The following SOX5 variants were observed in gnomAD, a reference collection of about 807,000 sequenced individuals.
SOX5 encodes the protein SRY-box transcription factor 5, also known as transcription factor SOX-5.
A neutral mutation model predicts 92.0 loss-of-function variants in SOX5; 9 were observed. The ratio of observed to expected loss-of-function variants is 0.10; its 90% CI spans 0.06 to 0.17. The LOEUF is 0.17. Ranked by LOEUF, SOX5 falls within the 10% of genes least tolerant of loss-of-function variation. The probability of loss-of-function intolerance (pLI) is 1.00; values close to 1 mark genes in which losing one functional copy is unlikely to be tolerated. For synonymous variants in SOX5, 344 were observed against 336.3 expected (o/e 1.02, Z -0.25); for missense variants, 642 against 944.5 (o/e 0.68, Z 4.20).
At chr12:24,029,266 TTTTA>T (rs747273712) in intron 4 of SOX5, among the ~76,000 whole-genome samples, 14 of 151,986 alleles carry the variant, frequency 9.2e-5, no homozygotes, top group South Asian at 2.1e-4. Flanking sequence ...TTCTCCAACA[TTTTA>T]TTTATTTATT....
intron 1 of SOX5, among the ~76,000 whole-genome samples, chr12:24,431,757 A>G (rs1297742071): frequency 6.6e-6 from 1 of 152,200 alleles, no homozygotes; most frequent in African/African-American, 2.4e-5. Flanking sequence ...TTATATCTTT[A>G]ACAGAGAAGT....
At chr12:24,065,508 G>A (rs561830413) in intron 4 of SOX5, among the ~76,000 whole-genome samples, 4 of 151,766 alleles carry the variant, frequency 2.6e-5, no homozygotes, top group South Asian at 4.2e-4. Flanking sequence ...TTAGCCAGGC[G>A]TGGTGGTGCA....
intron 1 of SOX5, among the ~76,000 whole-genome samples, chr12:24,511,944 T>G (rs1297648054): frequency 7.5e-6 from 1 of 133,334 alleles, no homozygotes; most frequent in Non-Finnish European, 1.5e-5. Context: ...GGCAACAGAG[T>G]GAGACTCCAT....
chr12:23,713,014 T>C (rs1490910829), intron 6 of SOX5, among the ~76,000 whole-genome samples: 1 of 152,230 alleles, frequency 6.6e-6, no homozygotes, highest in Non-Finnish European at 1.5e-5. Context: ...CATGATCTTA[T>C]TTGAAAATAG....
intron 9 of SOX5, chr12:23,604,184 C>T (rs1321888505): frequency 9.2e-6 from 5 of 544,654 alleles, no homozygotes; most frequent in African/African-American, 5.7e-5. Flanking sequence ...GTTATCGATA[C>T]ACGCATATTG....
intron 4 of SOX5, among the ~76,000 whole-genome samples, chr12:24,024,729 G>C (rs1954687680): frequency 6.6e-6 from 1 of 152,012 alleles, no homozygotes; most frequent in South Asian, 2.1e-4. Context: ...GCATTGGACA[G>C]AATATATTAA....
At chr12:23,858,695 G>C (rs188151055) in intron 2 of SOX5, among the ~76,000 whole-genome samples, 3 of 152,234 alleles carry the variant, frequency 2.0e-5, no homozygotes, top group African/African-American at 7.2e-5. Flanking sequence ...CTATTACTGA[G>C]TATATACCCA....
chr12:23,840,024 TA>T (rs2096493418), intron 3 of SOX5, among the ~76,000 whole-genome samples: 5 of 148,518 alleles, frequency 3.4e-5, no homozygotes, highest in Non-Finnish European at 5.9e-5. Context: ...TGCACATCTT[TA>T]AAAGGAATAA....
intron 2 of SOX5, among the ~76,000 whole-genome samples, chr12:23,867,535 A>C (rs1361844243): frequency 1.3e-5 from 2 of 152,158 alleles, no homozygotes; most frequent in East Asian, 1.9e-4. Flanking sequence ...ATATAAAAAC[A>C]CAAGCTGGTA....
chr12:23,533,206 A>G lies in SOX5; in HGVS notation c.*1013T>C. ...TCCCCAGATGTGGGTTTAACTCACA[A>G]TGGTCCAACGTTATTCCTATTATTA... On this transcript the variant is annotated 3_prime_UTR_variant, in exon 15 of 15. Transcript: ENST00000451604. The G allele has an allele frequency of 2.2e-6, 1 of 456,462 alleles. No individual in the cohort carries two copies. The highest frequency in any genetic ancestry group is 4.4e-6 in the Non-Finnish European group (1 of 226,772). 28.3% of individuals were successfully genotyped at this position (456,462 alleles called of 1,614,324 possible).
chr12:24,152,413 A>T (rs1269917167), intron 4 of SOX5, among the ~76,000 whole-genome samples: 1 of 152,160 alleles, frequency 6.6e-6, no homozygotes, highest in African/African-American at 2.4e-5. Flanking sequence ...GGGTGTCCCC[A>T]GAAAGTGAGC....
intron 6 of SOX5, among the ~76,000 whole-genome samples, chr12:23,710,033 T>C (rs1264509722): frequency 6.6e-6 from 1 of 152,188 alleles, no homozygotes; most frequent in Non-Finnish European, 1.5e-5. Context: ...AAAGTATTAT[T>C]TGTATGCTAT....
chr12:24,523,361 G>T (rs923126148), intron 1 of SOX5, among the ~76,000 whole-genome samples: 3 of 151,980 alleles, frequency 2.0e-5, no homozygotes, highest in Non-Finnish European at 4.4e-5. Context: ...AACTCCAATG[G>T]CATATTTACA....
rs1955642473 is a variant in SOX5 at position 24,032,803 on chromosome 12, C to T, written c.-1-136779G>A. 2.6e-5 allele frequency among the ~76,000 whole-genome samples: 4 copies of T among 151,988 alleles called. No individual in the cohort carries two copies. The South Asian group carries it at 8.3e-4, about 32-fold the overall frequency. On this transcript the variant is annotated intron_variant, in intron 4 of 4. Transcript: ENST00000446891. ...GGGCATCTCATTCTAACAGTAGCAA[C>T]TAAATCTGTTAATGAATAGCATTTT... is the stretch of plus-strand genomic sequence containing the variant.
intron 5 of SOX5, among the ~76,000 whole-genome samples, chr12:23,735,897 C>A (rs1460345121): frequency 1.3e-5 from 2 of 152,166 alleles, no homozygotes; most frequent in African/African-American, 4.8e-5. Flanking sequence ...CTAGTAACAT[C>A]TTTCTGTCTC....
At chr12:24,554,082 T>C (rs1953499676) in intron 1 of SOX5, among the ~76,000 whole-genome samples, 1 of 152,150 alleles carries the variant, frequency 6.6e-6, no homozygotes, top group African/African-American at 2.4e-5. Flanking sequence ...CAGACACATA[T>C]GAAAGAATGC....
chr12:24,505,150 T>C (rs774459394), intron 1 of SOX5, among the ~76,000 whole-genome samples: 6 of 152,256 alleles, frequency 3.9e-5, no homozygotes, highest in Non-Finnish European at 7.3e-5. Flanking sequence ...GTGCCTAATT[T>C]TCTTGTTTCA....
intron 4 of SOX5, among the ~76,000 whole-genome samples, chr12:24,144,407 T>G (rs780330878): frequency 3.9e-5 from 6 of 152,200 alleles, no homozygotes; most frequent in Non-Finnish European, 8.8e-5. Context: ...TATAAGCTTT[T>G]CTAATTTATT....
At chr12:24,189,616 G>T (rs926722656) in intron 4 of SOX5, among the ~76,000 whole-genome samples, 1 of 152,056 alleles carries the variant, frequency 6.6e-6, no homozygotes, top group African/African-American at 2.4e-5. Flanking sequence ...TTTGTATCTG[G>T]GGGAGGCAAT....
Sources: allele counts gnomAD v4.1 joint callset (sites outside exome capture counted in the v4.1 genomes callset), GRCh38; gene constraint gnomAD v4.1.1; transcripts MANE v1.5; gene names NCBI Gene and HGNC (gene_info 2026-07-23, HGNC 2026-07-21).